MAGI1: variants seen among roughly 807,000 people sequenced by gnomAD.
The protein encoded by MAGI1 is membrane associated guanylate kinase, WW and PDZ domain containing 1.
A neutral mutation model predicts 139.9 loss-of-function variants in MAGI1; 58 were observed. The observed-to-expected ratio is 0.41, with a 90% CI of 0.34 to 0.52. The LOEUF (loss-of-function observed/expected upper bound fraction) is 0.52. MAGI1 is among the 20% of genes least tolerant of loss of function. The probability of loss-of-function intolerance (pLI) is 0.12; values close to 1 mark genes in which losing one functional copy is unlikely to be tolerated. For missense variants in MAGI1, 1,874 were observed against 1,901.6 expected, an observed-to-expected ratio of 0.99 and a Z score of 0.27; for synonymous variants, 812 against 737.9, an observed-to-expected ratio of 1.10 and a Z score of -1.63.
intron 1 of MAGI1, among the ~76,000 whole-genome samples, chr3:65,800,620 T>C (rs1026766780): frequency 8.0e-5 from 11 of 137,014 alleles, no homozygotes; most frequent in African/African-American, 3.0e-4. Context: ...CCATGGGAAA[T>C]ACGTTTTTTA....
intron 2 of MAGI1, among the ~76,000 whole-genome samples, chr3:65,579,109 C>T (rs2081307328): frequency 6.6e-6 from 1 of 152,048 alleles, no homozygotes; most frequent in Non-Finnish European, 1.5e-5. Context: ...ATACACATAT[C>T]CATTGTGTAT....
At chr3:65,582,262 T>G (rs1362185919) in intron 2 of MAGI1, among the ~76,000 whole-genome samples, 3 of 152,162 alleles carry the variant, frequency 2.0e-5, no homozygotes, top group African/African-American at 7.2e-5. Context: ...ATGAGTAAGC[T>G]CCCTGTGAAC....
intron 1 of MAGI1, among the ~76,000 whole-genome samples, chr3:65,797,851 G>C (rs796518279): frequency 3.7e-4 from 57 of 152,332 alleles, no homozygotes; most frequent in African/African-American, 1.1e-3. Context: ...TTCAATGTAT[G>C]TTGGGAAGTT....
intron 1 of MAGI1, among the ~76,000 whole-genome samples, chr3:65,885,522 T>C (rs2060495214): frequency 2.0e-5 from 3 of 152,230 alleles, no homozygotes. Flanking sequence ...AAATCACATC[T>C]GGAATTGTAG....
intron 12 of MAGI1, among the ~76,000 whole-genome samples, chr3:65,427,944 T>TA (rs1947176188): frequency 1.3e-5 from 2 of 152,276 alleles, no homozygotes; most frequent in East Asian, 3.9e-4. Context: ...GTGATCTAGG[T>TA]ACAAGAAGAG....
At chr3:65,836,750 G>A (rs150393665) in intron 1 of MAGI1, among the ~76,000 whole-genome samples, 1,523 of 152,140 alleles carry the variant, frequency 0.01, 27 homozygotes, top group African/African-American at 0.032. Flanking sequence ...CCCAGGAGGC[G>A]GAGGTTGCAG....
chr3:66,036,791 T>G (rs1420348765), intron 1 of MAGI1, among the ~76,000 whole-genome samples: 1 of 152,190 alleles, frequency 6.6e-6, no homozygotes, highest in Non-Finnish European at 1.5e-5. Context: ...CTTCACGACT[T>G]CCTTCGGTGC....
chr3:65,655,336 G>A (rs1473763564), intron 1 of MAGI1, among the ~76,000 whole-genome samples: 2 of 151,890 alleles, frequency 1.3e-5, no homozygotes, highest in East Asian at 3.9e-4. Flanking sequence ...CTAATTAAAA[G>A]GAAAAAAATC....
chr3:65,534,236 C>G (rs767120123), intron 2 of MAGI1, among the ~76,000 whole-genome samples: 1 of 152,122 alleles, frequency 6.6e-6, no homozygotes, highest in Non-Finnish European at 1.5e-5. Flanking sequence ...AATCCCAGCA[C>G]TTTAGGAGGC....
At chr3:65,628,174 G>A (rs1269442111) in intron 1 of MAGI1, among the ~76,000 whole-genome samples, 1 of 151,826 alleles carries the variant, frequency 6.6e-6, no homozygotes, top group Non-Finnish European at 1.5e-5. Flanking sequence ...CAAAATGGTG[G>A]TACCAATTTG....
intron 13 of MAGI1, 64 bp downstream of exon 13, chr3:65,401,375 C>CA: frequency 5.0e-6 from 5 of 1,008,112 alleles, no homozygotes; most frequent in South Asian, 4.1e-5. Context: ...AGTACCCTCC[C>CA]ACCTCCAGCC....
chr3:65,823,026 T>G (rs1388407431), intron 1 of MAGI1, among the ~76,000 whole-genome samples: 1 of 152,230 alleles, frequency 6.6e-6, no homozygotes, highest in Non-Finnish European at 1.5e-5. Flanking sequence ...GAAAAAATAT[T>G]TTGCAACATT....
chr3:65,706,805 A>G (rs1293064147), intron 1 of MAGI1, among the ~76,000 whole-genome samples: 1 of 152,182 alleles, frequency 6.6e-6, no homozygotes, highest in Non-Finnish European at 1.5e-5. Flanking sequence ...CGCAAGCAGG[A>G]GCCAGAGACC....
intron 1 of MAGI1, among the ~76,000 whole-genome samples, chr3:65,868,996 G>T (rs1442906957): frequency 1.3e-5 from 2 of 151,932 alleles, no homozygotes; most frequent in African/African-American, 4.8e-5. Context: ...TGCCGGGCGC[G>T]GTGGCTCACG....
intron 4 of MAGI1, among the ~76,000 whole-genome samples, chr3:65,477,584 C>G (rs748793600): frequency 2.6e-5 from 4 of 152,144 alleles, no homozygotes; most frequent in Admixed American, 6.5e-5. Context: ...TTACTCCTAT[C>G]TTACTCAGCT....
intron 2 of MAGI1, among the ~76,000 whole-genome samples, chr3:65,539,327 G>A (rs1014810399): frequency 6.6e-6 from 1 of 151,272 alleles, no homozygotes; most frequent in Non-Finnish European, 1.5e-5. Flanking sequence ...CCAGAAACAT[G>A]TACCAACTAC....
intron 2 of MAGI1, among the ~76,000 whole-genome samples, chr3:65,556,103 C>T (rs973745494): frequency 5.3e-5 from 8 of 152,072 alleles, no homozygotes; most frequent in Admixed American, 3.3e-4. Flanking sequence ...AGTAGCGGAA[C>T]AGAGAAATAG....
At chr3:65,819,875 CAAAAAAA>C (rs3077818) in intron 1 of MAGI1, among the ~76,000 whole-genome samples, 4,666 of 33,496 alleles carry the variant, frequency 0.14, 500 homozygotes, top group South Asian at 0.55. Context: ...GACTCCATCT[CAAAAAAA>C]AAAAAAAAAA....
chr3:65,612,523 A>G (rs2083177074), intron 2 of MAGI1, among the ~76,000 whole-genome samples: 1 of 152,182 alleles, frequency 6.6e-6, no homozygotes, highest in African/African-American at 2.4e-5. Flanking sequence ...TATGTCATTG[A>G]TCATTTTAAA....
Sources: allele counts gnomAD v4.1 joint callset (sites outside exome capture counted in the v4.1 genomes callset), GRCh38; gene constraint gnomAD v4.1.1; transcripts MANE v1.5; gene names NCBI Gene and HGNC (gene_info 2026-07-23, HGNC 2026-07-21).